The following TBC1D4 variants were observed in gnomAD, a reference collection of about 807,000 sequenced individuals.
TBC1D4 encodes TBC1 domain family member 4.
Under a neutral mutation model 142.5 loss-of-function variants are expected in TBC1D4, and 121 were observed. The observed-to-expected ratio is 0.85, with a 90% CI of 0.73 to 0.99. The LOEUF is 0.99. Among genes scored for constraint, TBC1D4 ranks in the 50% least tolerant of loss-of-function variants. TBC1D4 has a pLI of 0.00. For synonymous variants in TBC1D4, 630 were observed against 628.2 expected (o/e 1.00, Z -0.04); for missense variants, 1,475 against 1,606.6 (o/e 0.92, Z 1.40).
intron 1 of TBC1D4, among the ~76,000 whole-genome samples, chr13:75,405,319 G>C (rs927498978): frequency 2.1e-5 from 3 of 141,614 alleles, no homozygotes; most frequent in Non-Finnish European, 3.0e-5. Context: ...CACCCGGCTG[G>C]AGTGCAGTGG....
intron 1 of TBC1D4, among the ~76,000 whole-genome samples, chr13:75,456,539 A>G (rs1239498949): frequency 2.6e-5 from 4 of 152,158 alleles, no homozygotes; most frequent in Admixed American, 2.6e-4. Context: ...AATGCATATG[A>G]AAAGGTGCTT....
intron 1 of TBC1D4, among the ~76,000 whole-genome samples, chr13:75,378,384 T>A (rs545420748): frequency 2.4e-4 from 36 of 152,214 alleles, no homozygotes; most frequent in Admixed American, 1.1e-3. Flanking sequence ...AATTCCATGG[T>A]TAGAAAAAGG....
intron 1 of TBC1D4, among the ~76,000 whole-genome samples, chr13:75,463,942 T>C (rs1036907612): frequency 6.6e-6 from 1 of 152,164 alleles, no homozygotes. Flanking sequence ...CTCTTTCTTT[T>C]GGCTACAAGT....
intron 13 of TBC1D4, among the ~76,000 whole-genome samples, chr13:75,310,408 A>T (rs1192706410): frequency 6.6e-6 from 1 of 152,224 alleles, no homozygotes; most frequent in African/African-American, 2.4e-5. Flanking sequence ...GCTCTGTAAG[A>T]GAGGTGCCCC....
At chr13:75,397,200 A>G (rs1288137288) in intron 1 of TBC1D4, among the ~76,000 whole-genome samples, 1 of 152,230 alleles carries the variant, frequency 6.6e-6, no homozygotes, top group Non-Finnish European at 1.5e-5. Flanking sequence ...CTGCCAAACA[A>G]AAAAGTGTAG....
At chr13:75,465,604 C>T (rs1888133718) in intron 1 of TBC1D4, among the ~76,000 whole-genome samples, 1 of 152,172 alleles carries the variant, frequency 6.6e-6, no homozygotes, top group Non-Finnish European at 1.5e-5. Flanking sequence ...GCCCCTACAA[C>T]CATGTGAATG....
At chr13:75,348,766 G>T (rs563084836) in intron 5 of TBC1D4, among the ~76,000 whole-genome samples, 65 of 152,248 alleles carry the variant, frequency 4.3e-4, no homozygotes, top group African/African-American at 1.6e-3. Flanking sequence ...GAGAAAAGGG[G>T]AAATATTAAA....
intron 8 of TBC1D4, among the ~76,000 whole-genome samples, chr13:75,333,624 A>G (rs552583539): frequency 1.5e-4 from 23 of 152,338 alleles, no homozygotes; most frequent in African/African-American, 4.8e-4. Context: ...ATAAAAAAGG[A>G]CATTCTCCAA....
chr13:75,357,209 G>A (rs1303431404), intron 3 of TBC1D4, among the ~76,000 whole-genome samples: 1 of 152,108 alleles, frequency 6.6e-6, no homozygotes, highest in East Asian at 1.9e-4. Context: ...TTTGATAAAT[G>A]GTTGCCCCTA....
At chr13:75,406,200 A>G (rs1161893478) in intron 1 of TBC1D4, among the ~76,000 whole-genome samples, 1 of 152,238 alleles carries the variant, frequency 6.6e-6, no homozygotes. Context: ...GAATTTATTG[A>G]GAAACACATC....
chr13:75,291,218 T>G (rs148676076), intron 19 of TBC1D4, among the ~76,000 whole-genome samples: 2 of 152,150 alleles, frequency 1.3e-5, no homozygotes, highest in Non-Finnish European at 2.9e-5. Context: ...CTGGTTCACT[T>G]TGGCAAATAG....
At chr13:75,373,251 ATAT>A (rs1453252509) in intron 1 of TBC1D4, among the ~76,000 whole-genome samples, 1 of 152,220 alleles carries the variant, frequency 6.6e-6, no homozygotes, top group African/African-American at 2.4e-5. Flanking sequence ...ATTACTTCAG[ATAT>A]TTATACCATC....
At chr13:75,378,064 G>C (rs1338315497) in intron 1 of TBC1D4, among the ~76,000 whole-genome samples, 2 of 151,990 alleles carry the variant, frequency 1.3e-5, no homozygotes, top group African/African-American at 4.8e-5. Context: ...TTAGTACTAT[G>C]GCTATATGTG....
intron 1 of TBC1D4, 75 bp downstream of exon 1, chr13:75,481,195 T>TCCC: frequency 1.7e-5 from 22 of 1,292,700 alleles, no homozygotes; most frequent in African/African-American, 2.9e-5. Flanking sequence ...TAAAGTGGGG[T>TCCC]CCCCGCCCCT....
chr13:75,443,608 C>A (rs985119540), intron 1 of TBC1D4, among the ~76,000 whole-genome samples: 1 of 152,236 alleles, frequency 6.6e-6, no homozygotes, highest in Non-Finnish European at 1.5e-5. Flanking sequence ...CCTGTCTCTA[C>A]ATCCGTGATT....
At chr13:75,341,310 G>A (rs1282081155) in intron 6 of TBC1D4, 75 bp from the exon 7 acceptor site, 11 of 1,450,128 alleles carry the variant, frequency 7.6e-6, no homozygotes, top group African/African-American at 4.2e-5. Context: ...GCAGACAAAC[G>A]TAAATAAAGC....
At chr13:75,326,092 TA>T in intron 10 of TBC1D4, 104 bp downstream of exon 10, 2 of 1,335,112 alleles carry the variant, frequency 1.5e-6, no homozygotes, top group Non-Finnish European at 2.1e-6. Flanking sequence ...TTCTCAAAAC[TA>T]AAAGTTGGCT....
intron 1 of TBC1D4, among the ~76,000 whole-genome samples, chr13:75,375,342 G>A (rs1009654898): frequency 6.6e-6 from 1 of 152,136 alleles, no homozygotes; most frequent in African/African-American, 2.4e-5. Context: ...CTTTCACATA[G>A]GTGATAGTTT....
At chr13:75,400,356 T>C (rs1885021714) in intron 1 of TBC1D4, among the ~76,000 whole-genome samples, 2 of 152,140 alleles carry the variant, frequency 1.3e-5, no homozygotes, top group Admixed American at 1.3e-4. Flanking sequence ...CTTCCTAATA[T>C]ACCCATTCAC....
Sources: allele counts gnomAD v4.1 joint callset (sites outside exome capture counted in the v4.1 genomes callset), GRCh38; gene constraint gnomAD v4.1.1; transcripts MANE v1.5; gene names NCBI Gene and HGNC (gene_info 2026-07-23, HGNC 2026-07-21).